Variants in MYO3A observed in about 807,000 individuals in gnomAD.
The protein encoded by MYO3A is myosin-IIIa.
A neutral mutation model predicts 192.7 loss-of-function variants in MYO3A; 180 were observed. The ratio of observed to expected loss-of-function variants is 0.93; its 90% CI spans 0.83 to 1.06. MYO3A has a LOEUF of 1.06. Ranked by LOEUF, MYO3A falls within the 50% of genes least tolerant of loss-of-function variation. The pLI is 0.00. For missense variants in MYO3A, 1,896 were observed against 1,905.0 expected (o/e 1.00, Z 0.09); for synonymous variants, 628 against 645.3 (o/e 0.97, Z 0.41).
intron 17 of MYO3A, among the ~76,000 whole-genome samples, chr10:26,118,695 G>A (rs573617531): frequency 1.3e-5 from 2 of 151,184 alleles, no homozygotes; most frequent in African/African-American, 4.9e-5. Flanking sequence ...ACAGTGGCAC[G>A]ATCTCGGCTC....
intron 2 of MYO3A, among the ~76,000 whole-genome samples, chr10:25,946,314 A>T (rs754604500): frequency 2.7e-4 from 41 of 152,128 alleles, no homozygotes; most frequent in Non-Finnish European, 5.4e-4. Context: ...TTTATCTGGG[A>T]ACAAAAATTA....
chr10:26,151,307 T>A (rs929371288), intron 23 of MYO3A, among the ~76,000 whole-genome samples: 6 of 152,234 alleles, frequency 3.9e-5, no homozygotes, highest in African/African-American at 1.4e-4. Context: ...AATTTGTCTC[T>A]CTTTTTTTTT....
chr10:26,194,976 T>A (rs1843336474), intron 32 of MYO3A, among the ~76,000 whole-genome samples: 1 of 152,228 alleles, frequency 6.6e-6, no homozygotes, highest in Non-Finnish European at 1.5e-5. Context: ...TCGCATGCCA[T>A]ACAATTAACC....
intron 2 of MYO3A, among the ~76,000 whole-genome samples, chr10:25,946,660 A>C (rs1394185546): frequency 6.6e-6 from 1 of 151,638 alleles, no homozygotes; most frequent in Non-Finnish European, 1.5e-5. Context: ...CGGGTGGATC[A>C]CGAGGTCAGG....
chr10:26,182,068 T>A (rs1842639109), intron 31 of MYO3A, among the ~76,000 whole-genome samples: 1 of 152,214 alleles, frequency 6.6e-6, no homozygotes, highest in African/African-American at 2.4e-5. Flanking sequence ...TTCAGCTTAA[T>A]CTTCACATAC....
intron 2 of MYO3A, among the ~76,000 whole-genome samples, chr10:25,939,294 A>C (rs1836319193): frequency 6.6e-6 from 1 of 151,960 alleles, no homozygotes; most frequent in Non-Finnish European, 1.5e-5. Context: ...CTATTTAAAA[A>C]AAATTATCTT....
intron 15 of MYO3A, among the ~76,000 whole-genome samples, chr10:26,089,642 G>T (rs1461519048): frequency 1.3e-5 from 2 of 151,882 alleles, no homozygotes; most frequent in African/African-American, 4.8e-5. Flanking sequence ...AACACATATG[G>T]CTTTCAACTG....
Position 26,120,788 on chromosome 10 carries a change from C to G in MYO3A, c.1889C>G (p.Thr630Arg), listed in dbSNP as rs1838815651. 1 of 1,613,954 alleles carries G rather than the reference C, an allele frequency of 6.2e-7. No homozygotes were observed. The highest frequency in any genetic ancestry group is 1.3e-5 in the African/African-American group (1 of 74,920). ...GACAAGAGCCACATTTCTAATCATA[C>G]AGCCCTGGAGAACTGTAAGTTTTAT... Reference protein sequence around the residue: ...QIDKSHISNHTALENCASLLC... With the variant: ...QIDKSHISNHRALENCASLLC... The change falls in exon 18 of 35, where the codon ACA (threonine) becomes AGA (arginine). Residue 630 changes from threonine to arginine, a missense_variant. By Grantham distance (71) the Thr-to-Arg change is moderately conservative. Coordinates refer to ENST00000642920, the MANE Select transcript of MYO3A (RefSeq NM_017433.5).
chr10:26,106,309 G>A (rs1837799948), intron 17 of MYO3A, among the ~76,000 whole-genome samples: 1 of 151,970 alleles, frequency 6.6e-6, no homozygotes, highest in South Asian at 2.1e-4. Context: ...GCTGTTTCGA[G>A]TTTTTAATAA....
At chr10:26,160,375 G>A (rs1841423097) in intron 26 of MYO3A, among the ~76,000 whole-genome samples, 1 of 152,216 alleles carries the variant, frequency 6.6e-6, no homozygotes, top group African/African-American at 2.4e-5. Flanking sequence ...CAGGAAGGCT[G>A]ATGAGAGAGG....
At chr10:26,160,744 G>C (rs1398874778) in intron 26 of MYO3A, among the ~76,000 whole-genome samples, 1 of 152,206 alleles carries the variant, frequency 6.6e-6, no homozygotes, top group Non-Finnish European at 1.5e-5. Flanking sequence ...TTGGTGTACA[G>C]GTTGGTGTGC....
chr10:25,978,860 A>G (rs7070012), intron 4 of MYO3A, among the ~76,000 whole-genome samples: 2,764 of 152,246 alleles, frequency 0.018, 92 homozygotes, highest in African/African-American at 0.063. Flanking sequence ...AAAGATTTGC[A>G]TATTTTATCC....
chr10:26,096,461 C>A lies in MYO3A; in HGVS notation c.1643C>A (p.Pro548His), dbSNP rs143918373. Reference sequence around the variant, plus strand: ...AAGAAACTAGCCCATTACAAACTGCCTGAAAATAAGCCTCCCAGGTAATCT... The same window carrying A: ...AAGAAACTAGCCCATTACAAACTGCATGAAAATAAGCCTCCCAGGTAATCT... ...EKKKLAHYKLPENKPPRYLQN... is the reference protein window; with the variant it reads ...EKKKLAHYKLHENKPPRYLQN... The change falls in exon 16 of 35, where the codon CCT becomes CAT. Residue 548 changes from proline (P) to histidine (H), a missense_variant. Coordinates refer to ENST00000642920, the MANE Select transcript of MYO3A (RefSeq NM_017433.5). The A allele has an allele frequency of 3.2e-4, 509 of 1,613,648 alleles. 3 individuals carry two copies. In the African/African-American group the frequency reaches 3.4e-3, roughly 11 times the overall value.
chr10:26,046,029 T>A (rs1843622585), intron 10 of MYO3A, among the ~76,000 whole-genome samples: 1 of 152,180 alleles, frequency 6.6e-6, no homozygotes, highest in Non-Finnish European at 1.5e-5. Context: ...CCTACACATC[T>A]CTTTATCTGT....
At chr10:26,186,412 G>A (rs4121076) in intron 31 of MYO3A, among the ~76,000 whole-genome samples, 8,989 of 151,768 alleles carry the variant, frequency 0.059, 344 homozygotes, top group Non-Finnish European at 0.085. Flanking sequence ...GACTACAGGC[G>A]CCTGCCACCA....
intron 31 of MYO3A, among the ~76,000 whole-genome samples, chr10:26,177,115 A>G: frequency 6.6e-6 from 1 of 151,952 alleles, no homozygotes; most frequent in Non-Finnish European, 1.5e-5. Context: ...AGGGAATAAA[A>G]GGGGTTGGTA....
At position 26,103,510 on chromosome 10, in the gene MYO3A, G is replaced by A. The variant is rs377717901; in HGVS notation, c.1776+6828G>A. On this transcript the variant is annotated intron_variant, in intron 17 of 34. Coordinates refer to ENST00000642920, the MANE Select transcript of MYO3A (RefSeq NM_017433.5). ...GGAGCTGTTCCTATTCGGCCATCTT[G>A]GAGTCAGTAGTTCATTTTTTTATTG... 2.0e-5 allele frequency among the ~76,000 whole-genome samples: 3 copies of A among 152,158 alleles called. No homozygotes were observed. The East Asian group carries it at 5.8e-4, about 29-fold the overall frequency.
intron 11 of MYO3A, 72 bp downstream of exon 11, chr10:26,067,146 G>C: frequency 1.0e-6 from 1 of 969,940 alleles, no homozygotes; most frequent in Non-Finnish European, 1.7e-6. Flanking sequence ...ACGGGTATTG[G>C]TAGAAGGGGA....
At chr10:26,050,718 A>G (rs1843944082) in intron 10 of MYO3A, among the ~76,000 whole-genome samples, 1 of 152,216 alleles carries the variant, frequency 6.6e-6, no homozygotes, top group South Asian at 2.1e-4. Flanking sequence ...TCACATTTAC[A>G]GCGTAAACAC....
Sources: gnomAD v4.1 joint callset for allele counts (sites outside exome capture counted in the v4.1 genomes callset) on GRCh38, gnomAD v4.1.1 for gene constraint, MANE v1.5 for transcripts, NCBI Gene and HGNC (gene_info 2026-07-23, HGNC 2026-07-21) for gene names.